MBNL3: variants seen among roughly 807,000 people sequenced by gnomAD.
The protein encoded by MBNL3 is muscleblind-like protein 3.
In MBNL3, 6 loss-of-function variants were observed where a neutral mutation model predicts 24.5. The observed-to-expected ratio is 0.25, with a 90% confidence interval of 0.13 to 0.48. The LOEUF (loss-of-function observed/expected upper bound fraction) is 0.48, where lower values mean the gene tolerates loss of function less well. Among genes scored for constraint, MBNL3 ranks in the 20% least tolerant of loss-of-function variants. The probability of loss-of-function intolerance (pLI) is 0.99; values close to 1 mark genes in which losing one functional copy is unlikely to be tolerated. For missense variants in MBNL3, 230 were observed against 293.5 expected, an observed-to-expected ratio of 0.78 and a Z score of 1.58; for synonymous variants, 100 against 101.7, an observed-to-expected ratio of 0.98 and a Z score of 0.10.
chrX:132,390,335 C>A (rs1029584100), intron 5 of MBNL3, among the ~76,000 whole-genome samples: 1 of 106,196 alleles, frequency 9.4e-6, no homozygotes, highest in African/African-American at 3.5e-5. Context: ...AATTTCCCCC[C>A]AGACTAAGCA....
At chrX:132,395,001 C>G (rs1256455437) in intron 3 of MBNL3, among the ~76,000 whole-genome samples, 3 of 111,848 alleles carry the variant, frequency 2.7e-5, no homozygotes, top group Non-Finnish European at 5.6e-5. Context: ...AATTAGTATC[C>G]TAGCTCTTAT....
rs187708618 is a variant in MBNL3 at position 132,450,358 on chromosome X, G to A, written c.-703-10044C>T. Reference sequence around the variant, plus strand: ...CCATATTTCTTTGGGGGCTTTGTTCGTTCCTTTTTATTCTTTTTTCTCTAA... The same window carrying A: ...CCATATTTCTTTGGGGGCTTTGTTCATTCCTTTTTATTCTTTTTTCTCTAA... On this transcript the variant is annotated intron_variant, in intron 1 of 8. Transcript: ENST00000370853. Among the ~76,000 whole-genome samples the A allele has an allele frequency of 1.9e-4, 21 of 111,185 alleles. No homozygotes were observed. The South Asian group carries it at 3.1e-3, about 16-fold the overall frequency.
chrX:132,409,192 C>G lies in MBNL3; in HGVS notation c.178-2800G>C, dbSNP rs183254606. Among the ~76,000 whole-genome samples the G allele has an allele frequency of 2.8e-3, 318 of 111,891 alleles. 3 individuals are homozygous for G. Among genetic ancestry groups the G allele is most frequent in the African/African-American group, 9.9e-3 (306 of 30,839 alleles). ...ACATAGCGTTCATTCTTCAAGAGGCCCAAACGTAATTATAGGCCAAAATAC... is the reference window on the plus strand; with the variant it reads ...ACATAGCGTTCATTCTTCAAGAGGCGCAAACGTAATTATAGGCCAAAATAC... On this transcript the variant is annotated intron_variant, in intron 2 of 8. Coordinates refer to ENST00000370853, the MANE Select transcript of MBNL3 (RefSeq NM_001386889.1).
intron 5 of MBNL3, among the ~76,000 whole-genome samples, chrX:132,390,262 C>CAAAAAAAA (rs1936918097): frequency 3.0e-5 from 1 of 33,588 alleles, no homozygotes; most frequent in Admixed American, 4.9e-4. Flanking sequence ...ACAACAACAA[C>CAAAAAAAA]AACAAAAAAA....
In MBNL3 at chrX:132,392,125, A is replaced by AT; in HGVS notation, c.534+17dup. Reference sequence around the variant, plus strand: ...TAATATCTATTCTACAGGTATTTATATATATGTTCACAAATACCTCCAGTT... The same window carrying AT: ...TAATATCTATTCTACAGGTATTTATATTATATGTTCACAAATACCTCCAGTT... On this transcript the variant is annotated intron_variant, in intron 4 of 8. Coordinates refer to ENST00000370853, the MANE Select transcript of MBNL3 (RefSeq NM_001386889.1). 8.7e-7 allele frequency: 1 copy of AT among 1,151,446 alleles called. No homozygotes were observed. The highest frequency in any genetic ancestry group is 1.2e-6 in the Non-Finnish European group (1 of 850,353). 94.9% of individuals were successfully genotyped at this position (1,151,446 alleles called of 1,213,427 possible). A position where few individuals can be genotyped will look rare whatever the true frequency, so the allele number is the denominator to read the frequency against.
intron 2 of MBNL3, among the ~76,000 whole-genome samples, chrX:132,421,502 C>T (rs1603234701): frequency 1.8e-5 from 2 of 111,532 alleles, no homozygotes; most frequent in South Asian, 7.5e-4. Flanking sequence ...GTATTCTAGG[C>T]GAAAAGGCAG....
chrX:132,378,689 G>A lies in MBNL3; in HGVS notation c.*977C>T, dbSNP rs1934373712. 1 of 111,590 alleles carries A rather than the reference G, an allele frequency of 9.0e-6. No homozygotes were observed. The highest frequency in any genetic ancestry group is 3.7e-4 in the South Asian group (1 of 2,693). The allele number at this position is 111,590 out of a possible 1,213,427, so 9.2% of individuals were successfully genotyped here. On this transcript the variant is annotated 3_prime_UTR_variant, in exon 9 of 9. Transcript: ENST00000370853. ...AGTTTCTCAGCTGAAGATGACAAATGGCTCAGTTTTAGACACTCAATTTAG... is the reference window on the plus strand; with the variant it reads ...AGTTTCTCAGCTGAAGATGACAAATAGCTCAGTTTTAGACACTCAATTTAG...
chrX:132,381,404 T>C, intron 8 of MBNL3: 1 of 1,177,143 alleles, frequency 8.5e-7, no homozygotes, highest in East Asian at 3.0e-5. Flanking sequence ...CATGCTGCTA[T>C]TCAGTTCATC....
intron 1 of MBNL3, among the ~76,000 whole-genome samples, chrX:132,449,321 T>G (rs1052526816): frequency 1.8e-5 from 2 of 111,152 alleles, no homozygotes; most frequent in African/African-American, 6.6e-5. Context: ...TGGGTGCTCC[T>G]TTATTGGGTT....
At chrX:132,429,255 A>G (rs1438912986) in intron 2 of MBNL3, among the ~76,000 whole-genome samples, 2 of 112,807 alleles carry the variant, frequency 1.8e-5, no homozygotes, top group East Asian at 5.5e-4. Context: ...CTGATCTATG[A>G]CAGGTTTCTT....
At chrX:132,433,873 C>T (rs768104760) in intron 2 of MBNL3, among the ~76,000 whole-genome samples, 10 of 111,586 alleles carry the variant, frequency 9.0e-5, no homozygotes, top group Non-Finnish European at 1.5e-4. Flanking sequence ...CCTTAGCTGT[C>T]GCCATTCTCT....
intron 2 of MBNL3, among the ~76,000 whole-genome samples, chrX:132,428,526 A>C (rs973350236): frequency 1.9e-4 from 21 of 110,182 alleles, no homozygotes; most frequent in African/African-American, 3.0e-4. Flanking sequence ...AAAAAAAAAA[A>C]CCATAAATTT....
At chrX:132,391,510 C>G (rs1259900986) in intron 4 of MBNL3, among the ~76,000 whole-genome samples, 1 of 111,710 alleles carries the variant, frequency 9.0e-6, no homozygotes, top group Admixed American at 9.5e-5. Flanking sequence ...GATTATATTA[C>G]AATACATTAC....
In MBNL3 at chrX:132,397,150, CT is replaced by C. The variant is rs1249747040; in HGVS notation, c.343-4817del. Among the ~76,000 whole-genome samples, 6 of 106,195 alleles carry C rather than the reference CT, an allele frequency of 5.6e-5. No homozygotes were observed. In the Admixed American group the frequency reaches 6.4e-4, roughly 11 times the overall value. 92.2% of individuals were successfully genotyped at this position (106,195 alleles called of 115,157 possible). The stretch of plus-strand genomic sequence containing the variant: ...TTATAGAACAATCACTACTCCGTGA[CT>C]AAGAATGGGGAAATAGTAGTTGGAA... On this transcript the variant is annotated intron_variant, in intron 3 of 8. Coordinates refer to ENST00000370853, the MANE Select transcript of MBNL3 (RefSeq NM_001386889.1).
At position 132,439,854 on chromosome X, in the gene MBNL3, A is replaced by G. The variant is rs947206593; in HGVS notation, c.-243T>C. Among the ~76,000 whole-genome samples, 1 of 111,620 alleles carries G rather than the reference A, an allele frequency of 9.0e-6. No individual in the cohort carries two copies. The highest frequency in any genetic ancestry group is 1.9e-5 in the Non-Finnish European group (1 of 53,123). Reference sequence around the variant, plus strand: ...TTAGAGACCAACTCTTAAGAAGCCAACTGTTAAGATAATGAATGCTTTATT... The same window carrying G: ...TTAGAGACCAACTCTTAAGAAGCCAGCTGTTAAGATAATGAATGCTTTATT... On this transcript the variant is annotated 5_prime_UTR_variant, in exon 2 of 9. Transcript: ENST00000370853.
intron 6 of MBNL3, among the ~76,000 whole-genome samples, chrX:132,385,499 C>T (rs1039422637): frequency 1.8e-4 from 20 of 111,297 alleles, no homozygotes; most frequent in African/African-American, 6.5e-4. Flanking sequence ...AAAGTCATGT[C>T]AACTCATACT....
chrX:132,457,395 C>A (rs946936753), intron 1 of MBNL3, among the ~76,000 whole-genome samples: 3 of 111,046 alleles, frequency 2.7e-5, no homozygotes, highest in African/African-American at 9.8e-5. Context: ...TAAGAATCAT[C>A]TCAAAAATCA....
At chrX:132,417,109 TTC>T (rs756435656) in intron 2 of MBNL3, among the ~76,000 whole-genome samples, 3 of 110,656 alleles carry the variant, frequency 2.7e-5, no homozygotes, top group Non-Finnish European at 3.8e-5. Flanking sequence ...TTATTTTTCT[TTC>T]TCTCTCTCTC....
At chrX:132,483,684 A>G (rs972078900) in intron 1 of MBNL3, among the ~76,000 whole-genome samples, 1 of 112,243 alleles carries the variant, frequency 8.9e-6, no homozygotes, top group Non-Finnish European at 1.9e-5. Context: ...AGAAATTGCA[A>G]GCGCTAAACC....
Sources: gnomAD v4.1 joint callset for allele counts (sites outside exome capture counted in the v4.1 genomes callset) on GRCh38, gnomAD v4.1.1 for gene constraint, MANE v1.5 for transcripts, NCBI Gene and HGNC (gene_info 2026-07-23, HGNC 2026-07-21) for gene names.